The following CCDC30 variants were observed in gnomAD, a reference collection of about 807,000 sequenced individuals.
The protein encoded by CCDC30 is coiled-coil domain-containing protein 30.
A neutral mutation model predicts 100.2 loss-of-function variants in CCDC30; 70 were observed. The observed-to-expected ratio is 0.70, with a 90% CI of 0.58 to 0.85. CCDC30 has a LOEUF of 0.85. CCDC30 is among the 40% of genes least tolerant of loss of function. The probability of loss-of-function intolerance (pLI) is 0.00; values close to 1 mark genes in which losing one functional copy is unlikely to be tolerated. For synonymous variants in CCDC30, 233 were observed against 269.5 expected, an observed-to-expected ratio of 0.86 and a Z score of 1.33; for missense variants, 652 against 771.2, an observed-to-expected ratio of 0.85 and a Z score of 1.83.
chr1:42,552,680 T>A (rs1645277787), intron 6 of CCDC30, among the ~76,000 whole-genome samples: 1 of 152,100 alleles, frequency 6.6e-6, no homozygotes, highest in South Asian at 2.1e-4. Context: ...GGGAATTCCT[T>A]TTCTCCAGTA....
Position 42,583,166 on chromosome 1 carries a change from A to G in CCDC30, c.1001+1652A>G, listed in dbSNP as rs145426418. 1.3e-3 allele frequency among the ~76,000 whole-genome samples: 199 copies of G among 152,336 alleles called. 1 individual carries two copies. The highest frequency in any genetic ancestry group is 4.6e-3 in the African/African-American group (193 of 41,582). On this transcript the variant is annotated intron_variant, in intron 9 of 16. Transcript: ENST00000668663. ...TTCTTAAAATGACTTATCCATTAGT[A>G]AACTGCTGATTTCTTTGGGCTGTTG...
chr1:42,539,217 A>C (rs781267592), intron 6 of CCDC30: 2 of 1,608,638 alleles, frequency 1.2e-6, no homozygotes, highest in Non-Finnish European at 1.7e-6. Flanking sequence ...TTTATAATGA[A>C]GTTCACAATC....
chr1:42,499,549 C>T (rs553424560), intron 6 of CCDC30, among the ~76,000 whole-genome samples: 34 of 152,212 alleles, frequency 2.2e-4, no homozygotes, highest in African/African-American at 7.0e-4. Flanking sequence ...AGTCCTGGCT[C>T]GCTGCAGCCT....
At chr1:42,611,515 A>T (rs72959648) in intron 11 of CCDC30, among the ~76,000 whole-genome samples, 1 of 151,778 alleles carries the variant, frequency 6.6e-6, no homozygotes, top group African/African-American at 2.4e-5. Context: ...ATAATGATAT[A>T]CCTATTACAT....
chr1:42,470,007 G>A (rs1643715789), intron 1 of CCDC30, among the ~76,000 whole-genome samples: 1 of 152,050 alleles, frequency 6.6e-6, no homozygotes, highest in Non-Finnish European at 1.5e-5. Flanking sequence ...GTTCTCTATC[G>A]GCACTCAGCA....
At chr1:42,533,148 A>G (rs1472026958) in intron 6 of CCDC30, among the ~76,000 whole-genome samples, 1 of 152,168 alleles carries the variant, frequency 6.6e-6, no homozygotes, top group African/African-American at 2.4e-5. Flanking sequence ...ACTTGATTGG[A>G]TAAACATTTA....
At chr1:42,577,315 T>C in intron 8 of CCDC30, 86 bp downstream of exon 12, 3 of 856,974 alleles carry the variant, frequency 3.5e-6, no homozygotes, top group Non-Finnish European at 5.4e-6. Context: ...GAAATAAATA[T>C]GATGCAGACT....
chr1:42,510,677 A>G (rs2148490826), intron 6 of CCDC30, among the ~76,000 whole-genome samples: 3 of 150,442 alleles, frequency 2.0e-5, no homozygotes, highest in South Asian at 2.1e-4. Flanking sequence ...AAAAATGTGG[A>G]AAGCTTCTAT....
At chr1:42,616,520 A>G (rs1480170793) in intron 11 of CCDC30, among the ~76,000 whole-genome samples, 1 of 152,204 alleles carries the variant, frequency 6.6e-6, no homozygotes, top group Non-Finnish European at 1.5e-5. Flanking sequence ...TTTCACAGGC[A>G]ATGGTTATTT....
intron 6 of CCDC30, among the ~76,000 whole-genome samples, chr1:42,548,644 A>G (rs1441692815): frequency 2.0e-5 from 3 of 152,168 alleles, no homozygotes; most frequent in African/African-American, 7.2e-5. Flanking sequence ...GCTGCTGACA[A>G]CTCATGACAT....
chr1:42,588,109 C>T (rs528051948), intron 9 of CCDC30, among the ~76,000 whole-genome samples: 1 of 152,238 alleles, frequency 6.6e-6, no homozygotes, highest in African/African-American at 2.4e-5. Flanking sequence ...CTGTATGCTA[C>T]GATCTGGTGA....
chr1:42,530,054 T>C (rs1644783313), intron 6 of CCDC30, among the ~76,000 whole-genome samples: 1 of 152,188 alleles, frequency 6.6e-6, no homozygotes. Context: ...GTATACCCAT[T>C]AGTCATGGGC....
intron 6 of CCDC30, among the ~76,000 whole-genome samples, chr1:42,511,780 C>A (rs1410514777): frequency 6.6e-6 from 1 of 151,994 alleles, no homozygotes; most frequent in South Asian, 2.1e-4. Context: ...CTCTAGGTGG[C>A]GCTATTGACC....
chr1:42,514,654 G>C (rs947142537), intron 6 of CCDC30, among the ~76,000 whole-genome samples: 2 of 151,880 alleles, frequency 1.3e-5, no homozygotes, highest in Non-Finnish European at 2.9e-5. Context: ...TATGTGTTTT[G>C]TTTTCGTTTT....
chr1:42,471,548 T>C (rs902255191), intron 1 of CCDC30, among the ~76,000 whole-genome samples: 1 of 152,206 alleles, frequency 6.6e-6, no homozygotes, highest in African/African-American at 2.4e-5. Flanking sequence ...TGCCAAATAG[T>C]CCTCATAGGA....
At chr1:42,553,731 A>C (rs775614216) in intron 6 of CCDC30, among the ~76,000 whole-genome samples, 2 of 151,066 alleles carry the variant, frequency 1.3e-5, no homozygotes, top group African/African-American at 4.9e-5. Context: ...ATGTGTGTCT[A>C]GCTTCCACTG....
chr1:42,532,698 G>C (rs1457461597), intron 6 of CCDC30, among the ~76,000 whole-genome samples: 1 of 152,174 alleles, frequency 6.6e-6, no homozygotes, highest in Non-Finnish European at 1.5e-5. Flanking sequence ...TTTGTGCAGG[G>C]GGGTGCCGCC....
rs182074610 is a variant in CCDC30, at chr1:42,539,132, G to T, written c.457-27164G>T. On this transcript the variant is annotated intron_variant, in intron 6 of 16. Coordinates refer to ENST00000668663, the Ensembl canonical transcript of CCDC30. ...ATTATATCTTTTATGGGGGAAAATA[G>T]TCTTATTTTATTCTACTAAATGTCT... The T allele has an allele frequency of 2.0e-5, 28 of 1,419,600 alleles. No homozygotes were observed. In the African/African-American group the frequency reaches 3.8e-4, roughly 19 times the overall value. 87.9% of individuals were successfully genotyped at this position (1,419,600 alleles called of 1,614,324 possible). A position where few individuals can be genotyped will look rare whatever the true frequency, so the allele number is the denominator to read the frequency against.
chr1:42,492,054 G>A (rs1374058719), intron 4 of CCDC30: 7 of 437,892 alleles, frequency 1.6e-5, no homozygotes, highest in East Asian at 4.0e-5. Context: ...TACCCCTGAC[G>A]AAATGTGTTC....
Sources: allele counts gnomAD v4.1 joint callset (sites outside exome capture counted in the v4.1 genomes callset), GRCh38; gene constraint gnomAD v4.1.1; transcripts MANE v1.5; gene names NCBI Gene and HGNC (gene_info 2026-07-23, HGNC 2026-07-21).